Variants in AFG2A observed in about 807,000 individuals in gnomAD.
The protein encoded by AFG2A is AAA ATPase AFG2A, also known as ATPase family gene 2 protein homolog A.
At chr4:123,041,832 A>T in the AFG2A span, among the ~76,000 whole-genome samples, 1 of 152,128 alleles carries the variant, frequency 6.6e-6, no homozygotes, top group African/African-American at 2.4e-5. Flanking sequence ...CTGGCCTGAA[A>T]CAGTTTTTCA....
chr4:123,207,956 G>A, the AFG2A span, among the ~76,000 whole-genome samples: 1 of 152,084 alleles, frequency 6.6e-6, no homozygotes, highest in African/African-American at 2.4e-5. Context: ...GGAATGCAAG[G>A]GGCCCCAAAT....
the AFG2A span, among the ~76,000 whole-genome samples, chr4:123,202,304 A>G: frequency 1.3e-5 from 2 of 152,124 alleles, no homozygotes; most frequent in African/African-American, 4.8e-5. Flanking sequence ...TACTACTAAT[A>G]TGTGCATATT....
the AFG2A span, among the ~76,000 whole-genome samples, chr4:123,174,769 C>T: frequency 6.6e-6 from 1 of 151,380 alleles, no homozygotes; most frequent in African/African-American, 2.4e-5. Context: ...ACAGGTATAA[C>T]CACAGAGCTA....
the AFG2A span, among the ~76,000 whole-genome samples, chr4:123,255,672 G>C: frequency 1.4e-5 from 2 of 147,814 alleles, no homozygotes; most frequent in African/African-American, 2.5e-5. Flanking sequence ...TTATTCACCT[G>C]ATAATTGCTG....
chr4:123,155,987 A>G, the AFG2A span, among the ~76,000 whole-genome samples: 1 of 152,224 alleles, frequency 6.6e-6, no homozygotes, highest in Non-Finnish European at 1.5e-5. Flanking sequence ...GAATTGGCTC[A>G]TGGTTCTGCA....
the AFG2A span, chr4:122,927,849 T>C: frequency 4.6e-6 from 7 of 1,525,902 alleles, no homozygotes; most frequent in Admixed American, 1.2e-4. Context: ...TTGAGTGCCA[T>C]GGTAGTCAAA....
chr4:123,005,614 C>G, the AFG2A span, among the ~76,000 whole-genome samples: 1 of 152,144 alleles, frequency 6.6e-6, no homozygotes, highest in Admixed American at 6.5e-5. Flanking sequence ...CTTTTCTAAT[C>G]TAGGCATTCA....
chr4:123,186,987 A>G, the AFG2A span, among the ~76,000 whole-genome samples: 7 of 152,128 alleles, frequency 4.6e-5, no homozygotes, highest in Non-Finnish European at 1.5e-5. Context: ...TGGCTCCTAG[A>G]CATTGCTTTA....
the AFG2A span, among the ~76,000 whole-genome samples, chr4:123,250,273 C>G: frequency 6.6e-6 from 1 of 152,116 alleles, no homozygotes; most frequent in Non-Finnish European, 1.5e-5. Context: ...AGTTAAGACT[C>G]CTTCATGTGA....
chr4:123,137,698 T>G, the AFG2A span, among the ~76,000 whole-genome samples: 1 of 152,222 alleles, frequency 6.6e-6, no homozygotes, highest in Admixed American at 6.5e-5. Flanking sequence ...AATTTCCATA[T>G]GTTTGGGTTT....
At chr4:122,975,944 A>T in the AFG2A span, among the ~76,000 whole-genome samples, 6 of 152,162 alleles carry the variant, frequency 3.9e-5, no homozygotes, top group Non-Finnish European at 7.3e-5. Flanking sequence ...GTATGTTTGT[A>T]CTATTCACTG....
chr4:123,011,169 G>A, the AFG2A span, among the ~76,000 whole-genome samples: 5 of 152,086 alleles, frequency 3.3e-5, no homozygotes, highest in Non-Finnish European at 1.5e-5. Flanking sequence ...CTATACCTCA[G>A]GACACAGAAT....
At chr4:123,007,382 C>G in the AFG2A span, among the ~76,000 whole-genome samples, 1 of 151,472 alleles carries the variant, frequency 6.6e-6, no homozygotes. Context: ...TTTCTTTGGT[C>G]TTGTGTGTTT....
the AFG2A span, among the ~76,000 whole-genome samples, chr4:122,948,645 T>TA: frequency 1.1e-3 from 162 of 152,108 alleles, no homozygotes; most frequent in African/African-American, 3.8e-3. Flanking sequence ...AAATGAAACT[T>TA]AGGGCTTATT....
At chr4:123,218,278 A>G in the AFG2A span, among the ~76,000 whole-genome samples, 1 of 152,180 alleles carries the variant, frequency 6.6e-6, no homozygotes, top group Non-Finnish European at 1.5e-5. Context: ...TAGGCAATGG[A>G]TGGAAGAAAA....
At chr4:123,085,474 T>G in the AFG2A span, among the ~76,000 whole-genome samples, 1 of 152,308 alleles carries the variant, frequency 6.6e-6, no homozygotes, top group African/African-American at 2.4e-5. Flanking sequence ...TCTGAGAATT[T>G]TGCATGCTTG....
At chr4:122,943,265 C>T in the AFG2A span, among the ~76,000 whole-genome samples, 59 of 152,112 alleles carry the variant, frequency 3.9e-4, no homozygotes, top group South Asian at 2.1e-3. Context: ...ATTGTGTGGG[C>T]GTCTAAGTCT....
chr4:122,948,941 A>G, the AFG2A span, among the ~76,000 whole-genome samples: 8 of 152,228 alleles, frequency 5.3e-5, no homozygotes, highest in African/African-American at 1.9e-4. Context: ...TGCAGTAGCA[A>G]TATAAACTAC....
chr4:123,311,224 A>AT, the AFG2A span, among the ~76,000 whole-genome samples: 1 of 152,240 alleles, frequency 6.6e-6, no homozygotes, highest in Non-Finnish European at 1.5e-5. Context: ...AGTTACAAAC[A>AT]TTCACATTTC....
Sources: allele counts gnomAD v4.1 joint callset (sites outside exome capture counted in the v4.1 genomes callset), GRCh38; gene constraint gnomAD v4.1.1; transcripts MANE v1.5; gene names NCBI Gene and HGNC (gene_info 2026-07-23, HGNC 2026-07-21).